GPA33: variants seen among roughly 807,000 people sequenced by gnomAD.
The protein encoded by GPA33 is glycoprotein A33.
In GPA33, 27 loss-of-function variants were observed where a neutral mutation model predicts 35.6. The observed-to-expected ratio is 0.76, with a 90% CI of 0.56 to 1.04. The LOEUF is 1.04. Among genes scored for constraint, GPA33 ranks in the 50% least tolerant of loss-of-function variants. The probability of loss-of-function intolerance (pLI) is 0.00; values close to 1 mark genes in which losing one functional copy is unlikely to be tolerated. For synonymous variants in GPA33, 176 were observed against 164.0 expected, an observed-to-expected ratio of 1.07 and a Z score of -0.56; for missense variants, 428 against 411.9, an observed-to-expected ratio of 1.04 and a Z score of -0.34.
Position 167,054,143 on chromosome 1 carries a change from C to A in GPA33, c.*191G>T. The A allele has an allele frequency of 1.5e-6, 1 of 685,162 alleles. No individual in the cohort carries two copies. The highest frequency in any genetic ancestry group is 2.8e-5 in the East Asian group (1 of 36,250). 42.4% of individuals were successfully genotyped at this position (685,162 alleles called of 1,614,324 possible). On this transcript the variant is annotated 3_prime_UTR_variant, in exon 7 of 7. Transcript: ENST00000367868. ...GGGTTACTTCACAGGACAGTGAGGT[C>A]AGCAGGATCAGCACAGGGACCCCCT...
chr1:167,074,531 T>C (rs1313347200), intron 1 of GPA33, among the ~76,000 whole-genome samples: 2 of 152,106 alleles, frequency 1.3e-5, no homozygotes, highest in East Asian at 1.9e-4. Flanking sequence ...CCTGCCCAAA[T>C]TGAAGACTCA....
At chr1:167,066,774 G>A (rs2102183214) in intron 3 of GPA33, among the ~76,000 whole-genome samples, 1 of 152,332 alleles carries the variant, frequency 6.6e-6, no homozygotes, top group Admixed American at 6.5e-5. Context: ...AGGCCTCTCC[G>A]AAGCCTGCGA....
rs1491326252 is a variant in GPA33, at chr1:167,087,908, T to TCACACACACACACACACACACACACA, written c.43+2336_43+2337insTGTGTGTGTGTGTGTGTGTGTGTGTG. Among the ~76,000 whole-genome samples, 1,101 of 149,166 alleles carry TCACACACACACACACACACACACACA rather than the reference T, an allele frequency of 7.4e-3. 17 individuals are homozygous for TCACACACACACACACACACACACACA. The highest frequency in any genetic ancestry group is 0.028 in the East Asian group (141 of 5,070). On this transcript the variant is annotated intron_variant, in intron 1 of 6. Transcript: ENST00000367868. ...TCCAGCCTGAGCAAGCCAGACTCTG[T>TCACACACACACACACACACACACACA]CTCACACACACACACACACACACAA...
At chr1:167,065,552 C>A (rs533659060) in intron 3 of GPA33, among the ~76,000 whole-genome samples, 20 of 152,140 alleles carry the variant, frequency 1.3e-4, no homozygotes, top group African/African-American at 4.3e-4. Context: ...ACAGTGCTGC[C>A]CATTCTATAA....
chr1:167,071,332 A>C lies in GPA33; in HGVS notation c.198+2053T>G, dbSNP rs541452231. ...AGTGTACTGAATTGAGCGAAAAAAGAGGTTGCTGTTGATTTCTGTAGAGCA... is the reference window on the plus strand; with the variant it reads ...AGTGTACTGAATTGAGCGAAAAAAGCGGTTGCTGTTGATTTCTGTAGAGCA... On this transcript the variant is annotated intron_variant, in intron 2 of 6. Transcript: ENST00000367868. Among the ~76,000 whole-genome samples, 4 of 152,350 alleles carry C rather than the reference A, an allele frequency of 2.6e-5. No homozygotes were observed. The South Asian group carries it at 8.3e-4, about 32-fold the overall frequency.
chr1:167,089,713 T>A (rs1667118997), intron 1 of GPA33, among the ~76,000 whole-genome samples: 1 of 152,168 alleles, frequency 6.6e-6, no homozygotes, highest in African/African-American at 2.4e-5. Context: ...GTCCCAGAAG[T>A]GGCAAGGAGC....
chr1:167,069,307 G>A (rs1666670067), intron 2 of GPA33, among the ~76,000 whole-genome samples, 169 bp from the exon 3 acceptor site: 1 of 152,114 alleles, frequency 6.6e-6, no homozygotes, highest in Non-Finnish European at 1.5e-5. Flanking sequence ...TGGATTTCTT[G>A]TATTATATAT....
At position 167,054,487 on chromosome 1, in the gene GPA33, G is replaced by C. The variant is rs3738211; in HGVS notation, c.828-21C>G. 917 of 1,614,010 alleles carry C rather than the reference G, an allele frequency of 5.7e-4. 9 individuals are homozygous for C. The East Asian group carries it at 0.018, about 32-fold the overall frequency. On this transcript the variant is annotated intron_variant, in intron 6 of 6. Coordinates refer to ENST00000367868, the MANE Select transcript of GPA33 (RefSeq NM_005814.3). ...GGTTCCTGCAGGGCAGCAGGGGACA[G>C]AGGGGAAGGATTTGCTCTCAGGTGG...
At chr1:167,058,284 T>C (rs1666358130) in intron 4 of GPA33, 1 of 152,186 alleles carries the variant, frequency 6.6e-6, no homozygotes, top group South Asian at 2.1e-4. Flanking sequence ...ATAAAACTAT[T>C]ATTTCAATTC....
intron 5 of GPA33, among the ~76,000 whole-genome samples, chr1:167,055,456 G>A (rs80198623): frequency 0.012 from 1,789 of 152,252 alleles, 31 homozygotes; most frequent in African/African-American, 0.04. Flanking sequence ...CACGCCCACC[G>A]AGTGGTTCCT....
intron 1 of GPA33, among the ~76,000 whole-genome samples, chr1:167,073,824 A>C (rs1033844466): frequency 2.6e-5 from 4 of 152,154 alleles, no homozygotes; most frequent in Admixed American, 6.5e-5. Context: ...AACTTGTCTG[A>C]GCGTCAGTTT....
chr1:167,055,230 G>A, intron 5 of GPA33, 119 bp from the exon 6 acceptor site: 1 of 937,682 alleles, frequency 1.1e-6, no homozygotes, highest in African/African-American at 1.6e-5. Context: ...GCATGGTCTT[G>A]GAGGAATGTG....
At chr1:167,086,887 G>A (rs542759197) in intron 1 of GPA33, among the ~76,000 whole-genome samples, 1 of 95,330 alleles carries the variant, frequency 1.0e-5, no homozygotes, top group Admixed American at 9.1e-5. Flanking sequence ...GGGTGTGTAA[G>A]TAAGTGTGTG....
At chr1:167,059,750 C>G (rs141991126) in intron 4 of GPA33, among the ~76,000 whole-genome samples, 33 of 152,292 alleles carry the variant, frequency 2.2e-4, no homozygotes, top group African/African-American at 7.5e-4. Flanking sequence ...CTCTTCACAG[C>G]TTTTGGGGAA....
intron 1 of GPA33, among the ~76,000 whole-genome samples, chr1:167,087,601 GTTT>G (rs141826340): frequency 0.025 from 3,829 of 152,194 alleles, 165 homozygotes; most frequent in African/African-American, 0.087. Context: ...CACTGACTCT[GTTT>G]AGAATTGTCA....
At chr1:167,071,090 C>T (rs1467367469) in intron 2 of GPA33, among the ~76,000 whole-genome samples, 1 of 151,980 alleles carries the variant, frequency 6.6e-6, no homozygotes, top group Non-Finnish European at 1.5e-5. Flanking sequence ...TGTCGATGTT[C>T]ACTGAGACAT....
Position 167,073,492 on chromosome 1 carries a change from G to A in GPA33, c.91C>T (p.Leu31Phe), listed in dbSNP as rs1469512729. 1.2e-6 allele frequency: 2 copies of A among 1,613,722 alleles called. No individual in the cohort carries two copies. Among genetic ancestry groups the A allele is most frequent in the African/African-American group, 2.7e-5 (2 of 75,036 alleles). ...ACACTCTTTCCCTGCGAAGCCCGAA[G>A]AACGTCCTGCGGAGTTTCCACAGAG... The part of the protein sequence containing the change: ...AISVETPQDV[L>F]RASQGKSVTL... The change falls in exon 2 of 7, where the codon CTT (leucine) becomes TTT (phenylalanine). Residue 31 changes from leucine to phenylalanine, a missense_variant. By Grantham distance (22) the Leu-to-Phe change is conservative. Transcript: ENST00000367868.
At chr1:167,059,931 T>C (rs1454982237) in intron 4 of GPA33, among the ~76,000 whole-genome samples, 1 of 152,196 alleles carries the variant, frequency 6.6e-6, no homozygotes, top group East Asian at 1.9e-4. Flanking sequence ...TCTCTAATGT[T>C]GGAAATTGTC....
intron 4 of GPA33, among the ~76,000 whole-genome samples, chr1:167,058,934 G>A (rs1666370708): frequency 6.6e-6 from 1 of 152,126 alleles, no homozygotes; most frequent in African/African-American, 2.4e-5. Context: ...CACACTTTAG[G>A]AAATGCTCTA....
Sources: allele counts gnomAD v4.1 joint callset (sites outside exome capture counted in the v4.1 genomes callset), GRCh38; gene constraint gnomAD v4.1.1; transcripts MANE v1.5; gene names NCBI Gene and HGNC (gene_info 2026-07-23, HGNC 2026-07-21).